The following DNAH11 variants were observed in gnomAD, a reference collection of about 807,000 sequenced individuals.
The protein encoded by DNAH11 is axonemal beta dynein heavy chain 11.
In DNAH11, 442 loss-of-function variants were observed where a neutral mutation model predicts 526.0. The observed-to-expected ratio is 0.84, with a 90% CI of 0.78 to 0.91. DNAH11 has a LOEUF of 0.91. Among genes scored for constraint, DNAH11 ranks in the 40% least tolerant of loss-of-function variants. The pLI, the probability that DNAH11 is intolerant of heterozygous loss-of-function variation, is 0.00. For synonymous variants in DNAH11, 2,461 were observed against 1,935.9 expected, an observed-to-expected ratio of 1.27 and a Z score of -7.12; for missense variants, 6,989 against 5,448.7, an observed-to-expected ratio of 1.28 and a Z score of -8.90.
chr7:21,619,061 A>T lies in DNAH11; in HGVS notation c.4255-39A>T, dbSNP rs893811102. On this transcript the variant is annotated intron_variant, in intron 23 of 81. Transcript: ENST00000409508. The stretch of plus-strand genomic sequence containing the variant: ...TTTAGGCAAAAGGAACCGTTCATAT[A>T]TGTGGAATATAAAGTCTAACTTTTT... 6.5e-5 allele frequency: 104 copies of T among 1,611,684 alleles called. 3 individuals are homozygous for T. In the East Asian group the frequency reaches 2.3e-3, roughly 35 times the overall value.
At chr7:21,570,529 G>C (rs1783846017) in intron 7 of DNAH11, 1 of 383,792 alleles carries the variant, frequency 2.6e-6, no homozygotes, top group Non-Finnish European at 4.6e-6. Context: ...ATTACATTGA[G>C]TATAAGTAAA....
At chr7:21,719,897 C>T (rs960246436) in intron 43 of DNAH11, among the ~76,000 whole-genome samples, 10 of 152,220 alleles carry the variant, frequency 6.6e-5, no homozygotes, top group Admixed American at 3.3e-4. Flanking sequence ...TAATTAATGA[C>T]GACTTTCTGT....
At chr7:21,783,227 G>T (rs193223186) in intron 57 of DNAH11, among the ~76,000 whole-genome samples, 38 of 152,148 alleles carry the variant, frequency 2.5e-4, no homozygotes, top group African/African-American at 8.0e-4. Context: ...AGCATGCAGG[G>T]TTCTCCGATT....
chr7:21,609,956 G>GA lies in DNAH11; in HGVS notation c.3852+3230dup, dbSNP rs1232938128. Among the ~76,000 whole-genome samples the GA allele has an allele frequency of 1.1e-4, 17 of 152,114 alleles. No individual in the cohort carries two copies. The South Asian group carries it at 1.7e-3, about 15-fold the overall frequency. On this transcript the variant is annotated intron_variant, in intron 20 of 81. Transcript: ENST00000409508. ...TCTTCACTAATGCTCAGAGTAGGGT[G>GA]AAAAAAACAGAAAAGGGGCCGGGCG...
At chr7:21,559,855 A>G (rs189585783) in intron 4 of DNAH11, 63 bp downstream of exon 4, 200 of 1,341,754 alleles carry the variant, frequency 1.5e-4, no homozygotes, top group East Asian at 4.3e-4. Context: ...TGCAATGACC[A>G]ATAGTTTTAA....
chr7:21,580,742 C>T (rs1784277845), intron 8 of DNAH11, among the ~76,000 whole-genome samples: 1 of 152,142 alleles, frequency 6.6e-6, no homozygotes, highest in African/African-American at 2.4e-5. Flanking sequence ...ACACTTATTA[C>T]CTAGTCACCC....
Position 21,840,410 on chromosome 7 carries a change from TTAAA to T in DNAH11, c.10692-2131_10692-2128del, listed in dbSNP as rs556444108. On this transcript the variant is annotated intron_variant, in intron 65 of 81. Coordinates refer to ENST00000409508, the MANE Select transcript of DNAH11 (RefSeq NM_001277115.2). ...TTTTCTATCATGACATCTATACAAT[TTAAA>T]TATTTTATACACTTAATAATGAAGA... Among the ~76,000 whole-genome samples, 508 of 152,314 alleles carry T rather than the reference TTAAA, an allele frequency of 3.3e-3. 2 individuals carry two copies. Among genetic ancestry groups the T allele is most frequent in the African/African-American group, 0.012 (480 of 41,554 alleles).
At chr7:21,556,699 C>T (rs1783233017) in intron 2 of DNAH11, among the ~76,000 whole-genome samples, 1 of 152,128 alleles carries the variant, frequency 6.6e-6, no homozygotes, top group African/African-American at 2.4e-5. Context: ...AAGAAGGCCA[C>T]AGTGTCTGTT....
chr7:21,819,708 T>C (rs895778132), intron 65 of DNAH11, among the ~76,000 whole-genome samples: 2 of 152,144 alleles, frequency 1.3e-5, no homozygotes, highest in African/African-American at 4.8e-5. Flanking sequence ...TAATCAGAAA[T>C]TTCCAAAGGC....
chr7:21,871,267 T>A (rs1783485647), intron 73 of DNAH11, among the ~76,000 whole-genome samples: 1 of 152,184 alleles, frequency 6.6e-6, no homozygotes, highest in South Asian at 2.1e-4. Context: ...TAAAAACCAT[T>A]TTTCAAGGGC....
chr7:21,780,659 A>G (rs1009969365), intron 57 of DNAH11, among the ~76,000 whole-genome samples: 4 of 152,178 alleles, frequency 2.6e-5, no homozygotes, highest in Admixed American at 1.3e-4. Context: ...GCAAATTAGA[A>G]CTCATCTGAC....
chr7:21,619,102 C>A lies in DNAH11; in HGVS notation c.4257C>A (p.Val1419=), dbSNP rs1427083702. The A allele has an allele frequency of 6.2e-7, 1 of 1,613,356 alleles. No individual in the cohort carries two copies. The highest frequency in any genetic ancestry group is 8.5e-7 in the Non-Finnish European group (1 of 1,179,586). ...CTAACTTTTTTTCCCCCAATCAGGT[C>A]AAGTTTTTAATAAATGAAGCCACAA... is the stretch of plus-strand genomic sequence containing the variant. ...HWHQLMKAIG[V]KFLINEATTL... The change falls in exon 24 of 82, where the codon GTC becomes GTA. Residue 1419 remains valine (V), a splice_region_variant and synonymous_variant. Coordinates refer to ENST00000409508, the MANE Select transcript of DNAH11 (RefSeq NM_001277115.2).
intron 30 of DNAH11, among the ~76,000 whole-genome samples, chr7:21,661,103 C>G (rs1381558593): frequency 1.3e-5 from 2 of 152,064 alleles, no homozygotes; most frequent in Non-Finnish European, 1.5e-5. Context: ...CTTAACGTCT[C>G]TCCTCAAGAA....
chr7:21,855,166 G>T (rs773281371), intron 68 of DNAH11, among the ~76,000 whole-genome samples: 2 of 151,706 alleles, frequency 1.3e-5, no homozygotes, highest in African/African-American at 2.4e-5. Flanking sequence ...TGAGTAGCTG[G>T]GACTACAGGT....
chr7:21,800,709 G>C (rs1788948808), intron 61 of DNAH11, among the ~76,000 whole-genome samples: 1 of 152,152 alleles, frequency 6.6e-6, no homozygotes, highest in African/African-American at 2.4e-5. Context: ...TTCACTGCCT[G>C]AACTATGAAC....
chr7:21,880,773 C>G lies in DNAH11; in HGVS notation c.12267C>G (p.Ala4089=), dbSNP rs779248595. ...TTTTTTCTCTCTGCTACTTCCACGC[C>G]TGTGTTGCTGGGAGACTGAGGTTTG... ...SILFSLCYFH[A]CVAGRLRFGP... The change falls in exon 75 of 82, where the codon GCC becomes GCG. Residue 4089 remains alanine (A), a synonymous_variant. Transcript: ENST00000409508. 5 of 1,613,874 alleles carry G rather than the reference C, an allele frequency of 3.1e-6. No homozygotes were observed. In the East Asian group the frequency reaches 1.1e-4, roughly 36 times the overall value.
chr7:21,628,853 C>G (rs866551182), intron 25 of DNAH11, among the ~76,000 whole-genome samples: 1 of 152,030 alleles, frequency 6.6e-6, no homozygotes, highest in Non-Finnish European at 1.5e-5. Flanking sequence ...CACAAAACCA[C>G]CTTTTGTGTT....
chr7:21,777,847 C>T (rs1430758841), intron 56 of DNAH11, among the ~76,000 whole-genome samples: 1 of 152,136 alleles, frequency 6.6e-6, no homozygotes, highest in Non-Finnish European at 1.5e-5. Context: ...TGTGAATATA[C>T]TGTGTTGGGT....
intron 34 of DNAH11, among the ~76,000 whole-genome samples, chr7:21,690,276 T>A (rs1336461376): frequency 6.6e-6 from 1 of 152,146 alleles, no homozygotes; most frequent in African/African-American, 2.4e-5. Flanking sequence ...TACCTCTCAG[T>A]GATATTTAAT....
Sources: gnomAD v4.1 joint callset for allele counts (sites outside exome capture counted in the v4.1 genomes callset) on GRCh38, gnomAD v4.1.1 for gene constraint, MANE v1.5 for transcripts, NCBI Gene and HGNC (gene_info 2026-07-23, HGNC 2026-07-21) for gene names.